Variants in GUCY1A2 observed in about 807,000 individuals in gnomAD.
The protein encoded by GUCY1A2 is guanylate cyclase soluble subunit alpha-2.
Under a neutral mutation model 63.5 loss-of-function variants are expected in GUCY1A2, and 27 were observed. The ratio of observed to expected loss-of-function variants is 0.43; its 90% CI spans 0.31 to 0.59. The LOEUF is 0.59. Ranked by LOEUF, GUCY1A2 falls within the 20% of genes least tolerant of loss-of-function variation. The pLI, the probability that GUCY1A2 is intolerant of heterozygous loss-of-function variation, is 0.11. For synonymous variants in GUCY1A2, 364 were observed against 343.5 expected (o/e 1.06, Z -0.66); for missense variants, 768 against 913.3 (o/e 0.84, Z 2.05).
intron 6 of GUCY1A2, among the ~76,000 whole-genome samples, chr11:106,727,705 T>C (rs1863431313): frequency 6.6e-6 from 1 of 152,176 alleles, no homozygotes; most frequent in Non-Finnish European, 1.5e-5. Flanking sequence ...GAAACTAGAC[T>C]TTGTACACTA....
At chr11:106,795,782 T>A (rs1369435945) in intron 5 of GUCY1A2, among the ~76,000 whole-genome samples, 1 of 152,164 alleles carries the variant, frequency 6.6e-6, no homozygotes, top group Non-Finnish European at 1.5e-5. Flanking sequence ...CATTTAAAAC[T>A]TATTAATAGG....
intron 4 of GUCY1A2, chr11:106,824,725 T>C (rs573632891): frequency 7.4e-7 from 1 of 1,354,100 alleles, no homozygotes; most frequent in South Asian, 1.6e-5. Context: ...AAGAATATTT[T>C]GAAATATTTA....
intron 6 of GUCY1A2, among the ~76,000 whole-genome samples, chr11:106,709,329 TATAA>T (rs1275963611): frequency 3.4e-5 from 2 of 59,574 alleles, no homozygotes; most frequent in Non-Finnish European, 5.1e-5. Flanking sequence ...ATATATATTA[TATAA>T]ATATATATAA....
intron 4 of GUCY1A2, among the ~76,000 whole-genome samples, chr11:106,859,668 A>G (rs1447530017): frequency 6.6e-6 from 1 of 151,994 alleles, no homozygotes; most frequent in Non-Finnish European, 1.5e-5. Flanking sequence ...ATCACCTAAC[A>G]ATGTTCCAGT....
At chr11:106,860,967 T>C (rs1239447904) in intron 4 of GUCY1A2, among the ~76,000 whole-genome samples, 1 of 151,968 alleles carries the variant, frequency 6.6e-6, no homozygotes, top group Non-Finnish European at 1.5e-5. Flanking sequence ...GTTATAAAGA[T>C]AAATTTTAAG....
At chr11:106,867,387 A>G (rs1162548075) in intron 4 of GUCY1A2, among the ~76,000 whole-genome samples, 1 of 152,090 alleles carries the variant, frequency 6.6e-6, no homozygotes, top group Non-Finnish European at 1.5e-5. Flanking sequence ...ACAAACTATG[A>G]GCAATAGAGA....
chr11:107,017,993 G>A lies in GUCY1A2; in HGVS notation c.63C>T (p.Thr21=). 6.8e-7 allele frequency: 1 copy of A among 1,463,100 alleles called. No homozygotes were observed. Among genetic ancestry groups the A allele is most frequent in the East Asian group, 2.9e-5 (1 of 34,234 alleles). 90.6% of individuals were successfully genotyped at this position (1,463,100 alleles called of 1,614,324 possible). ...GGCACTCCCCCTCCTCCTCCGGGCT[G>A]GTCTCCAGGTAGTCGGAGCCCAGGG... ...FSSLGSDYLE[T]SPEEEGECPL... is the part of the protein sequence containing the mutation. Residue 21 remains threonine, a synonymous_variant, in exon 1 of 8, where the codon ACC becomes ACT. Coordinates refer to ENST00000526355, the MANE Select transcript of GUCY1A2 (RefSeq NM_000855.3).
At chr11:106,928,996 A>G (rs1860566602) in intron 4 of GUCY1A2, among the ~76,000 whole-genome samples, 2 of 152,198 alleles carry the variant, frequency 1.3e-5, no homozygotes, top group Admixed American at 1.3e-4. Flanking sequence ...AGGGTTCTGA[A>G]TCATGTTATA....
chr11:106,676,890 TA>T lies in GUCY1A2; in HGVS notation c.*10658del. 1 of 204,716 alleles carries T rather than the reference TA, an allele frequency of 4.9e-6. No individual in the cohort carries two copies. The highest frequency in any genetic ancestry group is 1.6e-3 in the Middle Eastern group (1 of 626). 12.7% of individuals were successfully genotyped at this position (204,716 alleles called of 1,614,324 possible). On this transcript the variant is annotated 3_prime_UTR_variant, in exon 8 of 8. Transcript: ENST00000526355. ...GATTGTCCAAACAGATTGACCCTGATACTTCTTGAAAAAGTGTTTAAATTCA... is the reference window on the plus strand; with the variant it reads ...GATTGTCCAAACAGATTGACCCTGATCTTCTTGAAAAAGTGTTTAAATTCA...
chr11:106,824,576 T>C (rs1858942431), intron 4 of GUCY1A2, among the ~76,000 whole-genome samples: 1 of 152,260 alleles, frequency 6.6e-6, no homozygotes, highest in African/African-American at 2.4e-5. Flanking sequence ...CAAGTGCCAT[T>C]GTGTCTAAGG....
At chr11:106,859,687 G>A (rs753878484) in intron 4 of GUCY1A2, among the ~76,000 whole-genome samples, 2 of 151,890 alleles carry the variant, frequency 1.3e-5, no homozygotes, top group African/African-American at 4.8e-5. Context: ...GTCAATGACC[G>A]ACCACTTACA....
chr11:106,825,011 C>G (rs12798567), intron 4 of GUCY1A2: 3 of 1,577,124 alleles, frequency 1.9e-6, no homozygotes, highest in African/African-American at 2.7e-5. Context: ...GTATATGCCA[C>G]TATTTTTGTA....
chr11:106,817,691 T>C (rs1858849747), intron 4 of GUCY1A2, among the ~76,000 whole-genome samples: 1 of 151,938 alleles, frequency 6.6e-6, no homozygotes, highest in South Asian at 2.1e-4. Context: ...AAGGCCTGAA[T>C]ACAGACATTT....
chr11:106,738,087 T>C (rs866934906), intron 6 of GUCY1A2, among the ~76,000 whole-genome samples: 7 of 152,328 alleles, frequency 4.6e-5, no homozygotes, highest in Middle Eastern at 3.4e-3. Context: ...TAATCACCAT[T>C]CTAACTGGTG....
intron 6 of GUCY1A2, among the ~76,000 whole-genome samples, chr11:106,726,122 A>G (rs576439122): frequency 2.0e-5 from 3 of 152,310 alleles, no homozygotes; most frequent in Admixed American, 1.3e-4. Context: ...TGACACATAA[A>G]AAGCAGATCA....
rs769254482 is a variant in GUCY1A2 at position 107,017,940 on chromosome 11, C to G, written c.116G>C (p.Ser39Thr). The G allele has an allele frequency of 3.7e-6, 5 of 1,354,398 alleles. No homozygotes were observed. The highest frequency in any genetic ancestry group is 2.1e-4 in the Middle Eastern group (1 of 4,748). The allele number at this position is 1,354,398 out of a possible 1,614,324, so 83.9% of individuals were successfully genotyped here. The change falls in exon 1 of 8, where the codon AGC becomes ACC. Residue 39 changes from serine (S) to threonine (T), a missense_variant. By Grantham distance (58) the Ser-to-Thr change is moderately conservative. This residue lies in a region of GUCY1A2 where 496 missense variants were observed against 486.9 expected (regional missense o/e 1.02). Transcript: ENST00000526355. Reference sequence around the variant, plus strand: ...CTCCAGCGGCCCGGGCGGGCTCCGGCTGCCATTCCAGCAGAGCCTAGACAG... The same window carrying G: ...CTCCAGCGGCCCGGGCGGGCTCCGGGTGCCATTCCAGCAGAGCCTAGACAG... ...CPLSRLCWNG[S>T]RSPPGPLEPS...
Position 107,018,455 on chromosome 11 carries a change from G to C in GUCY1A2, c.-400C>G, listed in dbSNP as rs1192859898. 1 of 150,928 alleles carries C rather than the reference G, an allele frequency of 6.6e-6. No individual in the cohort carries two copies. The highest frequency in any genetic ancestry group is 2.4e-5 in the African/African-American group (1 of 41,320). 9.3% of individuals were successfully genotyped at this position (150,928 alleles called of 1,614,324 possible). A position where few individuals can be genotyped will look rare whatever the true frequency, so the allele number is the denominator to read the frequency against. ...GGAGGGCTGCGGCCCAAGCAGAAGG[G>C]GAGGCAGAGGCAGAGGCTTCTGCCG... On this transcript the variant is annotated 5_prime_UTR_variant, in exon 1 of 8. Coordinates refer to ENST00000526355, the MANE Select transcript of GUCY1A2 (RefSeq NM_000855.3).
intron 4 of GUCY1A2, among the ~76,000 whole-genome samples, chr11:106,850,603 T>A (rs958925387): frequency 5.9e-5 from 9 of 151,872 alleles, no homozygotes; most frequent in African/African-American, 1.9e-4. Context: ...AACATGTGGT[T>A]ATTGATCTTT....
At chr11:106,998,384 T>A (rs1341041303) in intron 1 of GUCY1A2, among the ~76,000 whole-genome samples, 1 of 152,208 alleles carries the variant, frequency 6.6e-6, no homozygotes, top group Non-Finnish European at 1.5e-5. Context: ...TTTCAAATTC[T>A]TCCTAGATAT....
Sources: allele counts gnomAD v4.1 joint callset (sites outside exome capture counted in the v4.1 genomes callset), GRCh38; gene constraint gnomAD v4.1.1; regional missense constraint gnomAD v4.1.1; transcripts MANE v1.5; gene names NCBI Gene and HGNC (gene_info 2026-07-23, HGNC 2026-07-21).